Variants in EIF2AK1 observed in about 807,000 individuals in gnomAD.
EIF2AK1 encodes the protein eukaryotic translation initiation factor 2-alpha kinase 1.
A neutral mutation model predicts 77.9 loss-of-function variants in EIF2AK1; 54 were observed. The ratio of observed to expected loss-of-function variants is 0.69; its 90% confidence interval spans 0.56 to 0.87. The LOEUF (loss-of-function observed/expected upper bound fraction) is 0.87, where lower values mean the gene tolerates loss of function less well. Among genes scored for constraint, EIF2AK1 ranks in the 40% least tolerant of loss-of-function variants. The pLI is 0.00. For synonymous variants in EIF2AK1, 314 were observed against 290.5 expected (o/e 1.08, Z -0.82); for missense variants, 810 against 768.6 (o/e 1.05, Z -0.64).
chr7:6,039,450 T>C (rs1788227541), intron 9 of EIF2AK1, among the ~76,000 whole-genome samples: 1 of 151,056 alleles, frequency 6.6e-6, no homozygotes, highest in African/African-American at 2.4e-5. Flanking sequence ...TGAAACCTCG[T>C]CTCTACTAAA....
intron 14 of EIF2AK1, among the ~76,000 whole-genome samples, 182 bp from the exon 15 acceptor site, chr7:6,024,983 C>CCA (rs1294384497): frequency 4.0e-5 from 6 of 151,882 alleles, no homozygotes; most frequent in African/African-American, 1.5e-4. Flanking sequence ...GGATTACAGG[C>CCA]GCTCTCATAC....
chr7:6,032,740 CACTA>C lies in EIF2AK1; in HGVS notation c.1333-3712_1333-3709del. On this transcript the variant is annotated intron_variant, in intron 11 of 14. Transcript: ENST00000199389. The surrounding 1 kb of genome is among the most constrained non-coding windows in gnomAD (Gnocchi z 4.3). ...CCAGAAAAAGAGTGAGCCAATGAGA[CACTA>C]AATAAATGTATTGCCTTTGAAACGG... 1.1e-6 allele frequency: 1 copy of C among 920,666 alleles called. No individual in the cohort carries two copies. Among genetic ancestry groups the C allele is most frequent in the African/African-American group, 1.7e-5 (1 of 59,762 alleles). The allele number at this position is 920,666 out of a possible 1,614,324, so 57.0% of individuals were successfully genotyped here. A position where few individuals can be genotyped will look rare whatever the true frequency, so the allele number is the denominator to read the frequency against.
intron 2 of EIF2AK1, among the ~76,000 whole-genome samples, chr7:6,051,298 C>T (rs1461250998): frequency 7.1e-6 from 1 of 141,842 alleles, no homozygotes; most frequent in East Asian, 2.1e-4. Context: ...TTGAGACAGA[C>T]TCTCACTCTG....
intron 8 of EIF2AK1, among the ~76,000 whole-genome samples, chr7:6,041,505 C>T (rs1788296540): frequency 6.6e-6 from 1 of 150,728 alleles, no homozygotes; most frequent in Non-Finnish European, 1.5e-5. Context: ...TGCCACTGTA[C>T]TCCAGCCTGG....
chr7:6,056,330 C>A (rs1393485926), intron 1 of EIF2AK1, among the ~76,000 whole-genome samples: 3 of 142,400 alleles, frequency 2.1e-5, no homozygotes, highest in Admixed American at 7.2e-5. Flanking sequence ...TACGGTGGCT[C>A]ACGCCTATAA....
At position 6,023,860 on chromosome 7, in the gene EIF2AK1, G is replaced by T; in HGVS notation, c.*813C>A. 6.5e-7 allele frequency: 1 copy of T among 1,544,068 alleles called. No homozygotes were observed. The highest frequency in any genetic ancestry group is 1.2e-5 in the South Asian group (1 of 83,282). ...TGGTTTTCATTTTATTTAAAATTCA[G>T]CAAAATCATACGCCATCTACCGTGA... On this transcript the variant is annotated 3_prime_UTR_variant, in exon 15 of 15. Coordinates refer to ENST00000199389, the MANE Select transcript of EIF2AK1 (RefSeq NM_014413.4).
At chr7:6,056,613 A>AAAAAAAAATATATATAT in intron 1 of EIF2AK1, among the ~76,000 whole-genome samples, 1 of 43,730 alleles carries the variant, frequency 2.3e-5, no homozygotes, top group African/African-American at 8.2e-5. Context: ...AAAAAAAAAA[A>AAAAAAAAATATATATAT]ATATATATAT....
intron 14 of EIF2AK1, chr7:6,026,460 C>A: frequency 1.6e-6 from 1 of 624,702 alleles, no homozygotes; most frequent in Non-Finnish European, 3.1e-6. Flanking sequence ...GGTTGGCCCC[C>A]AGCCCTCCGC....
chr7:6,034,040 G>A (rs1236689778), intron 11 of EIF2AK1, among the ~76,000 whole-genome samples: 6 of 151,580 alleles, frequency 4.0e-5, no homozygotes, highest in Middle Eastern at 3.4e-3. Flanking sequence ...AGTATAGGCC[G>A]GGCGCGGTGG....
At chr7:6,054,287 C>T (rs1483202645) in intron 2 of EIF2AK1, among the ~76,000 whole-genome samples, 1 of 152,140 alleles carries the variant, frequency 6.6e-6, no homozygotes, top group Non-Finnish European at 1.5e-5. Flanking sequence ...TCACTGCAAC[C>T]TCCACCTCCC....
At chr7:6,030,630 C>G (rs1787882987) in intron 11 of EIF2AK1, among the ~76,000 whole-genome samples, 2 of 152,174 alleles carry the variant, frequency 1.3e-5, no homozygotes, top group Admixed American at 6.6e-5. Flanking sequence ...TCCTGAGTAG[C>G]TGGGACTACA....
rs944770417 is a variant in EIF2AK1, at chr7:6,027,517, G to T, written c.1531-556C>A. ...TCCTAATCACTAAAAAGCTCAATGCGCCATCAAAAGGAAGAAAATTTTACT... is the reference window on the plus strand; with the variant it reads ...TCCTAATCACTAAAAAGCTCAATGCTCCATCAAAAGGAAGAAAATTTTACT... On this transcript the variant is annotated intron_variant, in intron 13 of 14. Coordinates refer to ENST00000199389, the MANE Select transcript of EIF2AK1 (RefSeq NM_014413.4). This position sits in a 1 kb window ranked among gnomAD's most constrained non-coding sequence, Gnocchi z 4.5. Among the ~76,000 whole-genome samples, 1 of 152,040 alleles carries T rather than the reference G, an allele frequency of 6.6e-6. No individual in the cohort carries two copies. Among genetic ancestry groups the T allele is most frequent in the African/African-American group, 2.4e-5 (1 of 41,424 alleles).
rs1335065591 is a variant in EIF2AK1, at chr7:6,047,083, T to G, written c.458A>C (p.Glu153Ala). 6.2e-7 allele frequency: 1 copy of G among 1,612,418 alleles called. No individual in the cohort carries two copies. The highest frequency in any genetic ancestry group is 2.2e-5 in the East Asian group (1 of 44,860). Residue 153 changes from glutamate to alanine, a missense_variant, in exon 5 of 15, where the codon GAA (glutamate) becomes GCA (alanine). Physicochemically the swap from Glu to Ala is moderately radical, Grantham distance 107. This residue lies in a region of EIF2AK1 where 246 missense variants were observed against 199.0 expected (regional missense o/e 1.24). Coordinates refer to ENST00000199389, the MANE Select transcript of EIF2AK1 (RefSeq NM_014413.4). ...TGAAGTTTGTGCTTCCAAGGCTACTTCCCTTGATCTGAAAGTTAAATACAA... is the reference window on the plus strand; with the variant it reads ...TGAAGTTTGTGCTTCCAAGGCTACTGCCCTTGATCTGAAAGTTAAATACAA... ...ISRIQKIRSREVALEAQTSRY... is the reference protein window; with the variant it reads ...ISRIQKIRSRAVALEAQTSRY...
intron 11 of EIF2AK1, among the ~76,000 whole-genome samples, chr7:6,029,737 C>G (rs1787849060): frequency 6.6e-6 from 1 of 152,142 alleles, no homozygotes; most frequent in African/African-American, 2.4e-5. Context: ...AATCTCAGCA[C>G]TTTAGGAGGC....
chr7:6,023,303 T>C lies in EIF2AK1; in HGVS notation c.*1370A>G. On this transcript the variant is annotated 3_prime_UTR_variant, in exon 15 of 15. Coordinates refer to ENST00000199389, the MANE Select transcript of EIF2AK1 (RefSeq NM_014413.4). The stretch of plus-strand genomic sequence containing the variant: ...TACCTGGCGTGTTTTTTCTTTTCAG[T>C]GCCGAAGACGCAGATGAAATTCAGC... 5 of 1,589,012 alleles carry C rather than the reference T, an allele frequency of 3.1e-6. No individual in the cohort carries two copies. Among genetic ancestry groups the C allele is most frequent in the Non-Finnish European group, 3.4e-6 (4 of 1,169,964 alleles).
intron 1 of EIF2AK1, among the ~76,000 whole-genome samples, chr7:6,057,755 G>A (rs901315608): frequency 6.6e-6 from 1 of 151,778 alleles, no homozygotes; most frequent in Admixed American, 6.6e-5. Context: ...CCTCAGCCTC[G>A]AAAGTAGCTG....
Position 6,044,767 on chromosome 7 carries a change from T to G in EIF2AK1, c.631-106A>C. 3 of 888,790 alleles carry G rather than the reference T, an allele frequency of 3.4e-6. No homozygotes were observed. In the South Asian group the frequency reaches 4.6e-5, roughly 14 times the overall value. 55.1% of individuals were successfully genotyped at this position (888,790 alleles called of 1,614,324 possible). ...AATACAGATGGCCCCTGACTTACAA[T>G]GGTATGAAGACATCACAATTTTTGA... On this transcript the variant is annotated intron_variant, in intron 6 of 14. Coordinates refer to ENST00000199389, the MANE Select transcript of EIF2AK1 (RefSeq NM_014413.4).
Position 6,023,558 on chromosome 7 carries a change from C to G in EIF2AK1, c.*1115G>C. ...CTCGCTGGGAATGAACTCACCGTAG[C>G]AGACGTGGTGCTGTGGTCTGTACTC... On this transcript the variant is annotated 3_prime_UTR_variant, in exon 15 of 15. Coordinates refer to ENST00000199389, the MANE Select transcript of EIF2AK1 (RefSeq NM_014413.4). 6.2e-7 allele frequency: 1 copy of G among 1,614,258 alleles called. No individual in the cohort carries two copies. The highest frequency in any genetic ancestry group is 8.5e-7 in the Non-Finnish European group (1 of 1,180,046).
chr7:6,055,982 C>CAAA lies in EIF2AK1; in HGVS notation c.119-1281_119-1279dup, dbSNP rs755531680. Among the ~76,000 whole-genome samples, 184 of 23,986 alleles carry CAAA rather than the reference C, an allele frequency of 7.7e-3. 33 individuals carry two copies. The highest frequency in any genetic ancestry group is 0.034 in the African/African-American group (178 of 5,174). The allele number at this position is 23,986 out of a possible 152,430, so 15.7% of individuals were successfully genotyped here. ...TGGGCAACAAAGTGAAACTCTGTCTCAAAAAAAAAAAAAAAAAAAAAAAAA... is the reference window on the plus strand; with the variant it reads ...TGGGCAACAAAGTGAAACTCTGTCTCAAAAAAAAAAAAAAAAAAAAAAAAAAAA... On this transcript the variant is annotated intron_variant, in intron 1 of 14. Transcript: ENST00000199389.
Sources: allele counts gnomAD v4.1 joint callset (sites outside exome capture counted in the v4.1 genomes callset), GRCh38; gene constraint gnomAD v4.1.1; regional missense constraint gnomAD v4.1.1; non-coding constraint Gnocchi (gnomAD v3.1); transcripts MANE v1.5; gene names NCBI Gene and HGNC (gene_info 2026-07-23, HGNC 2026-07-21).